Variants in GSAP observed in about 807,000 individuals in gnomAD.
The protein encoded by GSAP is gamma-secretase-activating protein.
GSAP carries 118 observed loss-of-function variants against 131.7 expected under a neutral mutation model. That is an observed-to-expected ratio of 0.90 (90% confidence interval 0.77 to 1.04). GSAP has a LOEUF of 1.04. GSAP is among the 50% of genes least tolerant of loss of function. The pLI is 0.00. For synonymous variants in GSAP, 381 were observed against 363.4 expected (o/e 1.05, Z -0.55); for missense variants, 1,019 against 1,013.2 (o/e 1.01, Z -0.08).
chr7:77,315,909 A>G (rs961336528), intron 26 of GSAP: 2 of 152,228 alleles, frequency 1.3e-5, no homozygotes, highest in African/African-American at 4.8e-5. Context: ...GCTCCCATAC[A>G]CCTTGCAGTC....
At chr7:77,321,448 C>T (rs1209485735) in intron 24 of GSAP, 45 bp from the exon 25 acceptor site, 4 of 1,256,888 alleles carry the variant, frequency 3.2e-6, no homozygotes, top group Non-Finnish European at 4.7e-6. Context: ...CATTCCTTCC[C>T]TCAAGGGCCC....
intron 19 of GSAP, among the ~76,000 whole-genome samples, chr7:77,336,532 C>T (rs1316470831): frequency 6.6e-6 from 1 of 152,182 alleles, no homozygotes; most frequent in Non-Finnish European, 1.5e-5. Context: ...GTCGCCCAGG[C>T]TGGAGTGCAA....
intron 19 of GSAP, among the ~76,000 whole-genome samples, chr7:77,337,310 G>T (rs1323087204): frequency 6.7e-6 from 1 of 149,990 alleles, no homozygotes; most frequent in Non-Finnish European, 1.5e-5. Context: ...GTGGGGGGGG[G>T]GTTACAGGCG....
At chr7:77,350,703 A>G (rs1424316090) in intron 18 of GSAP, among the ~76,000 whole-genome samples, 1 of 152,130 alleles carries the variant, frequency 6.6e-6, no homozygotes, top group Non-Finnish European at 1.5e-5. Flanking sequence ...AGACTGCACC[A>G]TTGCACTCCA....
Position 77,320,782 on chromosome 7 carries a change from G to A in GSAP, c.2032C>T (p.His678Tyr). 1 of 1,612,390 alleles carries A rather than the reference G, an allele frequency of 6.2e-7. No homozygotes were observed. Among genetic ancestry groups the A allele is most frequent in the Non-Finnish European group, 8.5e-7 (1 of 1,178,522 alleles). The change falls in exon 26 of 31, where the codon CAC becomes TAC. Residue 678 changes from histidine (H) to tyrosine (Y), a missense_variant. His to Tyr is a moderately conservative substitution (Grantham distance 83). Transcript: ENST00000257626. ...RGSAAEFAVF[H>Y]IMTRILEATN... Reference sequence around the variant, plus strand: ...GCTTCCAGAATCCTGGTCATGATGTGAAAAACTGCAAATTCAGCAGCACTG... The same window carrying A: ...GCTTCCAGAATCCTGGTCATGATGTAAAAAACTGCAAATTCAGCAGCACTG...
chr7:77,330,837 A>AT (rs1285363369), intron 19 of GSAP: 7 of 982,966 alleles, frequency 7.1e-6, no homozygotes, highest in Non-Finnish European at 8.5e-6. Flanking sequence ...TGCCCAGGAC[A>AT]TTTTTCAAAA....
intron 8 of GSAP, among the ~76,000 whole-genome samples, chr7:77,380,891 AAC>A (rs1339815832): frequency 5.9e-5 from 9 of 152,246 alleles, no homozygotes; most frequent in African/African-American, 2.2e-4. Flanking sequence ...CTATTTTAGT[AAC>A]CCATAGGGAT....
intron 8 of GSAP, among the ~76,000 whole-genome samples, chr7:77,378,844 T>C (rs1323730848): frequency 2.6e-5 from 4 of 152,122 alleles, no homozygotes; most frequent in Admixed American, 2.0e-4. Context: ...GTAATCTACA[T>C]TGAGGTAGAT....
chr7:77,388,858 G>A (rs1286080923), intron 5 of GSAP, among the ~76,000 whole-genome samples: 5 of 152,116 alleles, frequency 3.3e-5, no homozygotes, highest in Non-Finnish European at 7.4e-5. Context: ...AATATTACTT[G>A]AAAAAGACAG....
chr7:77,350,524 T>TCAAGAGTTTGAGACCGAC (rs1182504172), intron 18 of GSAP, among the ~76,000 whole-genome samples: 1 of 144,334 alleles, frequency 6.9e-6, no homozygotes, highest in Non-Finnish European at 1.5e-5. Flanking sequence ...TCACTTTAGA[T>TCAAGAGTTTGAGACCGAC]CAAGAGTTTG....
intron 1 of GSAP, among the ~76,000 whole-genome samples, chr7:77,410,305 C>A (rs1370884518): frequency 1.3e-5 from 2 of 152,142 alleles, no homozygotes; most frequent in Non-Finnish European, 2.9e-5. Context: ...ATCCAGAGAC[C>A]AATGTCTCAC....
intron 5 of GSAP, among the ~76,000 whole-genome samples, chr7:77,389,528 G>A (rs141685172): frequency 0.023 from 3,317 of 141,936 alleles, 80 homozygotes; most frequent in Non-Finnish European, 0.031. Context: ...GTGAGAACAC[G>A]CGGTGTTTGG....
At chr7:77,401,422 G>A (rs1476196647) in intron 3 of GSAP, among the ~76,000 whole-genome samples, 6 of 151,988 alleles carry the variant, frequency 3.9e-5, no homozygotes, top group African/African-American at 1.4e-4. Flanking sequence ...AGAAACCAGA[G>A]AACCCAGAAG....
At chr7:77,324,826 C>CTTTTTT (rs150930764) in intron 23 of GSAP, among the ~76,000 whole-genome samples, 16 of 97,288 alleles carry the variant, frequency 1.6e-4, no homozygotes, top group African/African-American at 2.2e-4. Flanking sequence ...GTTTGCCATA[C>CTTTTTT]TTTTTTTTTT....
At chr7:77,327,994 G>A (rs1788558879) in intron 22 of GSAP, among the ~76,000 whole-genome samples, 1 of 152,156 alleles carries the variant, frequency 6.6e-6, no homozygotes, top group Non-Finnish European at 1.5e-5. Context: ...GGTGCTATCT[G>A]CATTACCCCA....
At chr7:77,391,155 A>G (rs1048213035) in intron 5 of GSAP, among the ~76,000 whole-genome samples, 1 of 149,546 alleles carries the variant, frequency 6.7e-6, no homozygotes, top group Non-Finnish European at 1.5e-5. Flanking sequence ...AAAGAAAAAG[A>G]AAAAGAATAA....
At chr7:77,352,167 CAT>C (rs1246575203) in intron 18 of GSAP, among the ~76,000 whole-genome samples, 3 of 152,182 alleles carry the variant, frequency 2.0e-5, no homozygotes, top group African/African-American at 2.4e-5. Context: ...AGGGTCTAAA[CAT>C]AAAGTGTCAC....
intron 12 of GSAP, among the ~76,000 whole-genome samples, chr7:77,372,846 C>T (rs966275467): frequency 1.3e-5 from 2 of 152,242 alleles, no homozygotes; most frequent in Non-Finnish European, 2.9e-5. Context: ...GCCTCTCCAG[C>T]TTTCTCTCTC....
intron 5 of GSAP, among the ~76,000 whole-genome samples, chr7:77,392,271 G>C (rs1583815985): frequency 6.6e-6 from 1 of 150,962 alleles, no homozygotes; most frequent in Non-Finnish European, 1.5e-5. Context: ...GTGGAGACTG[G>C]ACACAGTGGC....
Sources: gnomAD v4.1 joint callset for allele counts (sites outside exome capture counted in the v4.1 genomes callset) on GRCh38, gnomAD v4.1.1 for gene constraint, MANE v1.5 for transcripts, NCBI Gene and HGNC (gene_info 2026-07-23, HGNC 2026-07-21) for gene names.